HOXD3: variants seen among roughly 807,000 people sequenced by gnomAD.
HOXD3 encodes homeobox D3.
Under a neutral mutation model 32.8 loss-of-function variants are expected in HOXD3, and 13 were observed. The ratio of observed to expected loss-of-function variants is 0.40; its 90% confidence interval spans 0.26 to 0.63. HOXD3 has a LOEUF of 0.63. Ranked by LOEUF, HOXD3 falls within the 20% of genes least tolerant of loss-of-function variation. The pLI, the probability that HOXD3 is intolerant of heterozygous loss-of-function variation, is 0.44. For synonymous variants in HOXD3, 241 were observed against 246.8 expected, an observed-to-expected ratio of 0.98 and a Z score of 0.22; for missense variants, 504 against 577.1, an observed-to-expected ratio of 0.87 and a Z score of 1.30.
At chr2:176,158,900 C>T (rs1227500588) in intron 1 of HOXD3, among the ~76,000 whole-genome samples, 3 of 151,482 alleles carry the variant, frequency 2.0e-5, no homozygotes, top group African/African-American at 4.9e-5. Context: ...CTTCCCCAGC[C>T]CTGCTGGCAG....
Position 176,172,238 on chromosome 2 carries a change from A to G in HOXD3, c.1263A>G (p.Gly421=). The part of the protein sequence containing the change: ...TDLSAHHSSQ[G]RLPEAPKLTH... ...TCTCGGCCCACCACTCGTCTCAGGG[A>G]CGACTGCCGGAGGCTCCCAAACTGA... is the stretch of plus-strand genomic sequence containing the variant. The change falls in exon 4 of 4, where the codon GGA becomes GGG. Residue 421 remains glycine (G), a synonymous_variant. Coordinates refer to ENST00000683222, the MANE Select transcript of HOXD3 (RefSeq NM_006898.5). The G allele has an allele frequency of 6.2e-7, 1 of 1,607,958 alleles. No individual in the cohort carries two copies. The highest frequency in any genetic ancestry group is 8.5e-7 in the Non-Finnish European group (1 of 1,179,362).
Position 176,172,497 on chromosome 2 carries a change from C to T in HOXD3, c.*223C>T, listed in dbSNP as rs899154274. ...CCATAAATCAGCCGCAAGGATCCTTCCCTGTAAATTTGACAGTGCCACATA... is the reference window on the plus strand; with the variant it reads ...CCATAAATCAGCCGCAAGGATCCTTTCCTGTAAATTTGACAGTGCCACATA... On this transcript the variant is annotated 3_prime_UTR_variant, in exon 4 of 4. Coordinates refer to ENST00000683222, the MANE Select transcript of HOXD3 (RefSeq NM_006898.5). The T allele has an allele frequency of 1.1e-5, 6 of 569,354 alleles. No individual in the cohort carries two copies. The African/African-American group carries it at 1.1e-4, about 11-fold the overall frequency. The allele number at this position is 569,354 out of a possible 1,614,324, so 35.3% of individuals were successfully genotyped here. A position where few individuals can be genotyped will look rare whatever the true frequency, so the allele number is the denominator to read the frequency against.
chr2:176,172,284 C>G lies in HOXD3; in HGVS notation c.*10C>G. On this transcript the variant is annotated 3_prime_UTR_variant, in exon 4 of 4. Transcript: ENST00000683222. Reference sequence around the variant, plus strand: ...ACTGACGCATCTGTAGCGGCCGCCGCCAGCCCGAACTCGCGGCAAAATTAC... The same window carrying G: ...ACTGACGCATCTGTAGCGGCCGCCGGCAGCCCGAACTCGCGGCAAAATTAC... The G allele has an allele frequency of 1.3e-6, 2 of 1,580,952 alleles. No homozygotes were observed. Among genetic ancestry groups the G allele is most frequent in the Non-Finnish European group, 1.7e-6 (2 of 1,167,204 alleles).
At chr2:176,163,124 G>A (rs903823497) in intron 1 of HOXD3, among the ~76,000 whole-genome samples, 1 of 152,154 alleles carries the variant, frequency 6.6e-6, no homozygotes, top group African/African-American at 2.4e-5. Flanking sequence ...GGATCTCTTC[G>A]AGGCGCTTCT....
chr2:176,154,078 C>T (rs906910786), upstream of HOXD3, among the ~76,000 whole-genome samples: 11 of 151,930 alleles, frequency 7.2e-5, no homozygotes, highest in African/African-American at 2.7e-4. Context: ...AAAAAAAACC[C>T]TAATTGAATC....
chr2:176,157,751 G>C (rs1690679129), intron 1 of HOXD3, among the ~76,000 whole-genome samples: 1 of 152,178 alleles, frequency 6.6e-6, no homozygotes, highest in Admixed American at 6.5e-5. Context: ...CGAGGCGCTA[G>C]GGTGCCAGGG....
chr2:176,165,789 AG>A (rs1376148253), intron 2 of HOXD3: 4 of 152,050 alleles, frequency 2.6e-5, no homozygotes, highest in Non-Finnish European at 5.9e-5. Flanking sequence ...AGCCCAAATG[AG>A]CAAAGGTACC....
chr2:176,158,455 C>T (rs764854765), intron 1 of HOXD3, among the ~76,000 whole-genome samples: 5 of 152,192 alleles, frequency 3.3e-5, no homozygotes, highest in Admixed American at 2.0e-4. Flanking sequence ...CTTGCAGCTC[C>T]GACCCGGGCG....
chr2:176,172,007 C>A lies in HOXD3; in HGVS notation c.1032C>A (p.Gly344=), dbSNP rs1243067567. 2 of 1,605,938 alleles carry A rather than the reference C, an allele frequency of 1.2e-6. No homozygotes were observed. Among genetic ancestry groups the A allele is most frequent in the Non-Finnish European group, 1.7e-6 (2 of 1,178,436 alleles). ...FEPHPMASNG[G]GFASANLQGS... is the part of the protein sequence containing the mutation. ...CCCATCCCATGGCGAGCAACGGCGG[C>A]GGCTTCGCCAGCGCCAACTTGCAGG... Residue 344 remains glycine (G), a synonymous_variant, in exon 4 of 4, where the codon GGC becomes GGA. Transcript: ENST00000683222.
At chr2:176,160,085 G>A (rs1209369233) in intron 1 of HOXD3, among the ~76,000 whole-genome samples, 2 of 152,224 alleles carry the variant, frequency 1.3e-5, no homozygotes, top group African/African-American at 4.8e-5. Context: ...GGTTTTCTGA[G>A]GTGACTGGCC....
At chr2:176,159,592 T>C (rs1574978028) in intron 1 of HOXD3, among the ~76,000 whole-genome samples, 1 of 151,530 alleles carries the variant, frequency 6.6e-6, no homozygotes, top group Non-Finnish European at 1.5e-5. Context: ...TGGGGGAGGG[T>C]CTTGGGCGCT....
intron 3 of HOXD3, 39 bp downstream of exon 3, chr2:176,169,694 C>A: frequency 6.5e-7 from 1 of 1,537,522 alleles, no homozygotes; most frequent in Non-Finnish European, 8.8e-7. Context: ...ACCAAGCCCC[C>A]TCCAGATTGA....
chr2:176,156,311 G>A (rs149806394), upstream of HOXD3, among the ~76,000 whole-genome samples: 909 of 152,274 alleles, frequency 6.0e-3, 12 homozygotes, highest in African/African-American at 0.021. Flanking sequence ...TGGGAAGCCT[G>A]GGGTTGAATT....
At chr2:176,157,227 AGAT>A (rs1197212554), upstream of HOXD3, among the ~76,000 whole-genome samples, 2 of 152,104 alleles carry the variant, frequency 1.3e-5, no homozygotes, top group Non-Finnish European at 2.9e-5. Context: ...AGTGCGAGGA[AGAT>A]GATAAGAATA....
intron 2 of HOXD3, among the ~76,000 whole-genome samples, chr2:176,168,588 CT>C (rs796784995): frequency 1.3e-3 from 91 of 68,346 alleles, no homozygotes; most frequent in African/African-American, 5.9e-3. Context: ...AAACAAAACA[CT>C]AAGACATGTA....
chr2:176,162,103 G>A (rs1185332387), intron 1 of HOXD3, among the ~76,000 whole-genome samples: 1 of 152,238 alleles, frequency 6.6e-6, no homozygotes, highest in Admixed American at 6.5e-5. Flanking sequence ...AGCAGGAGAG[G>A]AACCGACTTC....
At chr2:176,166,882 C>A (rs1027082460) in intron 2 of HOXD3, among the ~76,000 whole-genome samples, 1 of 152,134 alleles carries the variant, frequency 6.6e-6, no homozygotes, top group Non-Finnish European at 1.5e-5. Flanking sequence ...GGAGGGAAAA[C>A]TAGTGAATCA....
At chr2:176,153,024 C>T (rs576479801), upstream of HOXD3, 71 of 1,348,580 alleles carry the variant, frequency 5.3e-5, no homozygotes, top group Admixed American at 2.2e-4. Flanking sequence ...GCTGTCACCT[C>T]GCTGGGCTCT....
Position 176,169,638 on chromosome 2 carries a change from A to C in HOXD3, c.524A>C (p.Asn175Thr). Residue 175 changes from asparagine to threonine, a missense_variant, in exon 3 of 4, where the codon AAC becomes ACC. Asn to Thr is a moderately conservative substitution (Grantham distance 65). This residue lies in a region of HOXD3 where 97 missense variants were observed against 158.0 expected (regional missense o/e 0.61). Coordinates refer to ENST00000683222, the MANE Select transcript of HOXD3 (RefSeq NM_006898.5). ...TCTCGACAGAACTCCAAGCAGAAGA[A>C]CAGCTGTGCCACTGCAGGTAGCTCC... is the stretch of plus-strand genomic sequence containing the variant. ...KESRQNSKQK[N>T]SCATAGESCE... The C allele has an allele frequency of 6.2e-7, 1 of 1,601,176 alleles. No homozygotes were observed. The highest frequency in any genetic ancestry group is 8.5e-7 in the Non-Finnish European group (1 of 1,172,136).
Sources: allele counts gnomAD v4.1 joint callset (sites outside exome capture counted in the v4.1 genomes callset), GRCh38; gene constraint gnomAD v4.1.1; regional missense constraint gnomAD v4.1.1; transcripts MANE v1.5; gene names NCBI Gene and HGNC (gene_info 2026-07-23, HGNC 2026-07-21).